PCDHGA1: variants seen among roughly 807,000 people sequenced by gnomAD.
PCDHGA1 encodes the protein protocadherin gamma-A1.
Under a neutral mutation model 58.0 loss-of-function variants are expected in PCDHGA1, and 32 were observed. The ratio of observed to expected loss-of-function variants is 0.55; its 90% CI spans 0.42 to 0.74. The LOEUF (loss-of-function observed/expected upper bound fraction) is 0.74, where lower values mean the gene tolerates loss of function less well. Among genes scored for constraint, PCDHGA1 ranks in the 30% least tolerant of loss-of-function variants. The pLI is 0.00. For synonymous variants in PCDHGA1, 498 were observed against 501.1 expected (o/e 0.99, Z 0.08); for missense variants, 1,205 against 1,182.3 (o/e 1.02, Z -0.28).
chr5:141,387,761 A>C lies in PCDHGA1; in HGVS notation c.2421+54656A>C, dbSNP rs539874780. The C allele has an allele frequency of 9.8e-5, 139 of 1,420,618 alleles. 1 individual carries two copies. The African/African-American group carries it at 1.7e-3, about 17-fold the overall frequency. The allele number at this position is 1,420,618 out of a possible 1,614,324, so 88.0% of individuals were successfully genotyped here. A position where few individuals can be genotyped will look rare whatever the true frequency, so the allele number is the denominator to read the frequency against. On this transcript the variant is annotated intron_variant, in intron 1 of 3. Transcript: ENST00000517417. ...ACACCGCTTCCTCCTCGGAAAAAGA[A>C]GAATTTTTTCTTGAACTGGAACTGC...
chr5:141,392,688 C>T (rs1009459106), intron 1 of PCDHGA1: 2 of 1,113,934 alleles, frequency 1.8e-6, no homozygotes, highest in Non-Finnish European at 2.5e-6. Flanking sequence ...GCAGCGAAAC[C>T]CGACCCCTGT....
In PCDHGA1 at chr5:141,431,279, C is replaced by G. The variant is rs1163372308; in HGVS notation, c.2422-63528C>G. Reference sequence around the variant, plus strand: ...CTCTCTGCAGAGCTACGAGCTCAGCCCGAACACTCACTTCTCCCTCATCGT... The same window carrying G: ...CTCTCTGCAGAGCTACGAGCTCAGCGCGAACACTCACTTCTCCCTCATCGT... On this transcript the variant is annotated intron_variant, in intron 1 of 3. Coordinates refer to ENST00000517417, the MANE Select transcript of PCDHGA1 (RefSeq NM_018912.3). This position sits in a 1 kb window ranked among gnomAD's most constrained non-coding sequence, Gnocchi z 4.8. 1 of 1,614,028 alleles carries G rather than the reference C, an allele frequency of 6.2e-7. No individual in the cohort carries two copies. Among genetic ancestry groups the G allele is most frequent in the African/African-American group, 1.3e-5 (1 of 74,926 alleles).
chr5:141,458,553 T>G (rs987591790), intron 1 of PCDHGA1, among the ~76,000 whole-genome samples: 24 of 146,852 alleles, frequency 1.6e-4, no homozygotes, highest in Non-Finnish European at 2.5e-4. Flanking sequence ...TGTTTGTTTG[T>G]TTTGGTTTTG....
intron 1 of PCDHGA1, chr5:141,421,906 G>C: frequency 6.2e-7 from 1 of 1,613,770 alleles, no homozygotes; most frequent in Non-Finnish European, 8.5e-7. Context: ...AAAGGGCGCA[G>C]TTCCCATTCG....
At chr5:141,394,001 G>C in intron 1 of PCDHGA1, 1 of 1,613,458 alleles carries the variant, frequency 6.2e-7, no homozygotes, top group Non-Finnish European at 8.5e-7. Flanking sequence ...AATTAGAAAA[G>C]TCAATAGGTA....
rs1261595107 is a variant in PCDHGA1 at position 141,339,237 on chromosome 5, G to A, written c.2421+6132G>A. 6.2e-7 allele frequency: 1 copy of A among 1,614,160 alleles called. No individual in the cohort carries two copies. The highest frequency in any genetic ancestry group is 8.5e-7 in the Non-Finnish European group (1 of 1,180,054). ...AGCGGCAGCTTGGTCACTGCGAACAGGATAGACCGGGAGGAGCTCTGCGCT... is the reference window on the plus strand; with the variant it reads ...AGCGGCAGCTTGGTCACTGCGAACAAGATAGACCGGGAGGAGCTCTGCGCT... On this transcript the variant is annotated intron_variant, in intron 1 of 3. Coordinates refer to ENST00000517417, the MANE Select transcript of PCDHGA1 (RefSeq NM_018912.3).
rs1043830490 is a variant in PCDHGA1, at chr5:141,357,171, C to T, written c.2421+24066C>T. On this transcript the variant is annotated intron_variant, in intron 1 of 3. Coordinates refer to ENST00000517417, the MANE Select transcript of PCDHGA1 (RefSeq NM_018912.3). Reference sequence around the variant, plus strand: ...ATGGCCAGCCCCCTCTCTCGGCCACCGTCACACTCACTGTGGCTGTGGCCG... The same window carrying T: ...ATGGCCAGCCCCCTCTCTCGGCCACTGTCACACTCACTGTGGCTGTGGCCG... 6 of 1,613,588 alleles carry T rather than the reference C, an allele frequency of 3.7e-6. No individual in the cohort carries two copies. The African/African-American group carries it at 4.0e-5, about 11-fold the overall frequency.
intron 2 of PCDHGA1, among the ~76,000 whole-genome samples, chr5:141,502,759 C>T (rs535899844): frequency 9.9e-5 from 15 of 152,130 alleles, no homozygotes; most frequent in African/African-American, 3.6e-4. Context: ...CATGTATTTG[C>T]TGGTATTCTT....
At chr5:141,345,555 AACTCCAAC>A (rs1223359970) in intron 1 of PCDHGA1, 5 of 1,614,026 alleles carry the variant, frequency 3.1e-6, no homozygotes, top group Non-Finnish European at 4.2e-6. Context: ...CGTCTCTATC[AACTCCAAC>A]ACTGGCGTCC....
At chr5:141,393,319 G>A (rs2092728293) in intron 1 of PCDHGA1, 1 of 1,612,192 alleles carries the variant, frequency 6.2e-7, no homozygotes, top group Admixed American at 1.7e-5. Flanking sequence ...TCCCTCCAGA[G>A]CTACCAGCTC....
At chr5:141,352,835 A>G (rs1759122249) in intron 1 of PCDHGA1, 2 of 733,514 alleles carry the variant, frequency 2.7e-6, no homozygotes, top group East Asian at 2.7e-5. Context: ...TAAAATTACA[A>G]AAATTAGTTG....
intron 1 of PCDHGA1, chr5:141,376,115 C>A: frequency 1.2e-6 from 2 of 1,613,870 alleles, no homozygotes; most frequent in Non-Finnish European, 8.5e-7. Flanking sequence ...CCTGGGCAGC[C>A]TCGAGCCCTC....
At chr5:141,453,093 C>A (rs1408495535) in intron 1 of PCDHGA1, among the ~76,000 whole-genome samples, 1 of 151,928 alleles carries the variant, frequency 6.6e-6, no homozygotes, top group African/African-American at 2.4e-5. Context: ...AGTATATTTT[C>A]TGTTGCTTTT....
intron 1 of PCDHGA1, chr5:141,421,731 C>G (rs73792198): frequency 6.2e-7 from 1 of 1,613,742 alleles, no homozygotes; most frequent in Non-Finnish European, 8.5e-7. Flanking sequence ...TGAACTCCCT[C>G]CAGAGCTACC....
In PCDHGA1 at chr5:141,339,429, C is replaced by T. The variant is rs142803333; in HGVS notation, c.2421+6324C>T. The T allele has an allele frequency of 5.6e-6, 9 of 1,614,096 alleles. No homozygotes were observed. The African/African-American group carries it at 6.7e-5, about 12-fold the overall frequency. On this transcript the variant is annotated intron_variant, in intron 1 of 3. Coordinates refer to ENST00000517417, the MANE Select transcript of PCDHGA1 (RefSeq NM_018912.3). ...ACCACTACGCCAGGATTCCGGATTC[C>T]TCTTAAGAATGCGCATGATGCAGAC...
At chr5:141,445,148 C>T (rs1051995635) in intron 1 of PCDHGA1, among the ~76,000 whole-genome samples, 3 of 152,092 alleles carry the variant, frequency 2.0e-5, no homozygotes, top group Non-Finnish European at 4.4e-5. Context: ...TCTAATTGTT[C>T]ATTTCTAGTT....
chr5:141,366,715 T>C (rs1183918402), intron 1 of PCDHGA1: 3 of 1,614,072 alleles, frequency 1.9e-6, no homozygotes, highest in Non-Finnish European at 2.5e-6. Flanking sequence ...TGATGTCTGA[T>C]AAGGTAGATG....
chr5:141,376,682 T>TTTTTTGTTG lies in PCDHGA1; in HGVS notation c.2421+43582_2421+43583insGTTGTTTTT, dbSNP rs1554084782. On this transcript the variant is annotated intron_variant, in intron 1 of 3. Coordinates refer to ENST00000517417, the MANE Select transcript of PCDHGA1 (RefSeq NM_018912.3). ...TTGTTCAGGTGAGGGTATCGTTTTTTTTTTTTTTTTTTTTTGAGACGGAGT... is the reference window on the plus strand; with the variant it reads ...TTGTTCAGGTGAGGGTATCGTTTTTTTTTTTGTTGTTTTTTTTTTTTTTTGAGACGGAGT... The TTTTTTGTTG allele has an allele frequency of 3.8e-6, 3 of 786,082 alleles. No homozygotes were observed. In the African/African-American group the frequency reaches 5.8e-5, roughly 15 times the overall value. 48.7% of individuals were successfully genotyped at this position (786,082 alleles called of 1,614,324 possible). A position where few individuals can be genotyped will look rare whatever the true frequency, so the allele number is the denominator to read the frequency against.
At chr5:141,340,916 C>T (rs1472380192) in intron 1 of PCDHGA1, 1 of 1,613,782 alleles carries the variant, frequency 6.2e-7, no homozygotes, top group South Asian at 1.1e-5. Context: ...CATCCAGGAC[C>T]ACGGCCAGCC....
Sources: gnomAD v4.1 joint callset for allele counts (sites outside exome capture counted in the v4.1 genomes callset) on GRCh38, gnomAD v4.1.1 for gene constraint, Gnocchi (gnomAD v3.1) non-coding constraint, MANE v1.5 for transcripts, NCBI Gene and HGNC (gene_info 2026-07-23, HGNC 2026-07-21) for gene names.